ZEB1: variants seen among roughly 807,000 people sequenced by gnomAD.
The protein encoded by ZEB1 is zinc finger E-box-binding homeobox 1.
ZEB1 carries 21 observed loss-of-function variants against 84.9 expected under a neutral mutation model. The ratio of observed to expected loss-of-function variants is 0.25; its 90% CI spans 0.18 to 0.36. The LOEUF is 0.36. Among genes scored for constraint, ZEB1 ranks in the 10% least tolerant of loss-of-function variants. ZEB1 has a pLI of 1.00. For synonymous variants in ZEB1, 420 were observed against 471.1 expected (o/e 0.89, Z 1.41); for missense variants, 1,104 against 1,330.2 (o/e 0.83, Z 2.65).
At chr10:31,373,162 AG>A in intron 1 of ZEB1, 1 of 985,244 alleles carries the variant, frequency 1.0e-6, no homozygotes, top group Non-Finnish European at 1.2e-6. Context: ...GACTATCAAA[AG>A]GAAGTCAATG....
rs112353402 is a variant in ZEB1, at chr10:31,521,994, A to G, written c.2604+58A>G. On this transcript the variant is annotated intron_variant, in intron 7 of 8. Coordinates refer to ENST00000424869, the MANE Select transcript of ZEB1 (RefSeq NM_001174096.2). Reference sequence around the variant, plus strand: ...GTAATATGCTATTTGACTAATTTCAATTAACTTTGTCTAATAAATATCAGT... The same window carrying G: ...GTAATATGCTATTTGACTAATTTCAGTTAACTTTGTCTAATAAATATCAGT... 7.5e-5 allele frequency: 120 copies of G among 1,609,776 alleles called. 4 individuals are homozygous for G. The African/African-American group carries it at 9.5e-4, about 13-fold the overall frequency.
At chr10:31,452,730 TGTGTGTGTGTGTGAGAGAGA>T (rs1482360212) in intron 1 of ZEB1, among the ~76,000 whole-genome samples, 13 of 123,646 alleles carry the variant, frequency 1.1e-4, no homozygotes, top group African/African-American at 4.4e-4. Context: ...TGTGTGTGTG[TGTGTGTGTGTGTGAGAGAGA>T]GAGAGAGAGA....
chr10:31,348,421 G>A (rs888897049), intron 1 of ZEB1, among the ~76,000 whole-genome samples: 1 of 151,962 alleles, frequency 6.6e-6, no homozygotes, highest in Non-Finnish European at 1.5e-5. Context: ...AAAATTAGCC[G>A]GGTGTGGTGG....
At chr10:31,341,021 A>G (rs1255117867) in intron 1 of ZEB1, among the ~76,000 whole-genome samples, 2 of 152,150 alleles carry the variant, frequency 1.3e-5, no homozygotes, top group Non-Finnish European at 2.9e-5. Context: ...GTCTGGAGAG[A>G]TACGAAACCA....
intron 1 of ZEB1, among the ~76,000 whole-genome samples, chr10:31,393,887 A>G (rs114005086): frequency 0.011 from 1,612 of 152,214 alleles, 28 homozygotes; most frequent in African/African-American, 0.037. Flanking sequence ...TAGCAATCTC[A>G]TCATTTATAC....
intron 1 of ZEB1, among the ~76,000 whole-genome samples, chr10:31,330,664 T>G (rs2036544476): frequency 6.6e-6 from 1 of 152,226 alleles, no homozygotes; most frequent in African/African-American, 2.4e-5. Context: ...TACTGATTTT[T>G]GGCTACATAT....
At chr10:31,464,829 G>A (rs2062202959) in intron 2 of ZEB1, among the ~76,000 whole-genome samples, 2 of 152,154 alleles carry the variant, frequency 1.3e-5, no homozygotes, top group Non-Finnish European at 2.9e-5. Flanking sequence ...AACAAAAGCT[G>A]AGGGATTTTG....
intron 1 of ZEB1, among the ~76,000 whole-genome samples, chr10:31,388,233 G>A (rs1173715923): frequency 6.6e-6 from 1 of 152,126 alleles, no homozygotes; most frequent in Non-Finnish European, 1.5e-5. Flanking sequence ...GTAATTCCCA[G>A]TATTCTGTAG....
intron 1 of ZEB1, among the ~76,000 whole-genome samples, chr10:31,431,052 T>C (rs1247331886): frequency 6.6e-6 from 1 of 152,192 alleles, no homozygotes; most frequent in African/African-American, 2.4e-5. Flanking sequence ...TCTGGTTTTT[T>C]CACCCAGAAT....
intron 1 of ZEB1, among the ~76,000 whole-genome samples, chr10:31,376,640 C>A (rs1184726328): frequency 6.6e-6 from 1 of 151,642 alleles, no homozygotes; most frequent in Non-Finnish European, 1.5e-5. Context: ...CTGACACTTA[C>A]CAGCTTTGCA....
intron 1 of ZEB1, among the ~76,000 whole-genome samples, chr10:31,375,305 C>G (rs2046439229): frequency 6.6e-6 from 1 of 151,728 alleles, no homozygotes. Flanking sequence ...GAAAGATGTC[C>G]TTCCCATACC....
intron 1 of ZEB1, among the ~76,000 whole-genome samples, chr10:31,351,973 T>C (rs11008466): frequency 0.014 from 2,171 of 152,306 alleles, 53 homozygotes; most frequent in African/African-American, 0.05. Flanking sequence ...AAATTCAATG[T>C]AGTATGTTTT....
chr10:31,520,963 C>T lies in ZEB1; in HGVS notation c.1631C>T (p.Ala544Val). ...GATGATTGTCCAGGAGATATTAATG[C>T]ACTTCCAGAATTAAAGCACTATGAC... The part of the protein sequence containing the change: ...LCDDCPGDIN[A>V]LPELKHYDLK... The change falls in exon 7 of 9, where the codon GCA becomes GTA. Residue 544 changes from alanine to valine, a missense_variant. Physicochemically the swap from Ala to Val is moderately conservative, Grantham distance 64 (BLOSUM62 0). Transcript: ENST00000424869. The surrounding 1 kb of genome is among the most constrained non-coding windows in gnomAD (Gnocchi z 5.1). The T allele has an allele frequency of 6.2e-7, 1 of 1,614,128 alleles. No individual in the cohort carries two copies. The highest frequency in any genetic ancestry group is 1.3e-5 in the African/African-American group (1 of 75,034).
Position 31,502,396 on chromosome 10 carries a change from A to G in ZEB1, c.371A>G (p.Asp124Gly), listed in dbSNP as rs2068280169. The stretch of plus-strand genomic sequence containing the variant: ...GATGCAGAAAATGAGCAAAACCATG[A>G]TCCTAATGTTGAAGAGTTTCTACAA... ...ESDAENEQNH[D>G]PNVEEFLQQQ... Residue 124 changes from aspartate to glycine, a missense_variant, in exon 4 of 9, where the codon GAT (aspartate) becomes GGT (glycine). Asp to Gly is a moderately conservative substitution (Grantham distance 94). Transcript: ENST00000424869. 1 of 1,613,762 alleles carries G rather than the reference A, an allele frequency of 6.2e-7. No individual in the cohort carries two copies. The highest frequency in any genetic ancestry group is 1.3e-5 in the African/African-American group (1 of 74,890).
intron 7 of ZEB1, among the ~76,000 whole-genome samples, chr10:31,522,299 T>TA: frequency 6.6e-6 from 1 of 152,242 alleles, no homozygotes; most frequent in East Asian, 1.9e-4. Context: ...CTGCCTTGAT[T>TA]ATGGTCATTA....
chr10:31,391,918 C>T (rs897378622), intron 1 of ZEB1, among the ~76,000 whole-genome samples: 5 of 151,960 alleles, frequency 3.3e-5, no homozygotes, highest in Non-Finnish European at 7.4e-5. Flanking sequence ...AAAATTTGGT[C>T]GACAACCACT....
At chr10:31,348,021 T>C (rs1381445872) in intron 1 of ZEB1, among the ~76,000 whole-genome samples, 1 of 152,228 alleles carries the variant, frequency 6.6e-6, no homozygotes, top group Non-Finnish European at 1.5e-5. Flanking sequence ...GTTGTAGATA[T>C]CTGGGTTAGT....
intron 2 of ZEB1, among the ~76,000 whole-genome samples, chr10:31,478,607 A>G (rs2064602114): frequency 1.3e-5 from 2 of 151,938 alleles, no homozygotes; most frequent in South Asian, 4.1e-4. Context: ...ACCTAAGTGT[A>G]TATCAGTGGA....
At chr10:31,443,832 C>T (rs1409971168) in intron 1 of ZEB1, among the ~76,000 whole-genome samples, 4 of 151,202 alleles carry the variant, frequency 2.6e-5, no homozygotes, top group Non-Finnish European at 4.4e-5. Context: ...TTTGGGTTGG[C>T]TCCAAGTCTT....
Sources: allele counts gnomAD v4.1 joint callset (sites outside exome capture counted in the v4.1 genomes callset), GRCh38; gene constraint gnomAD v4.1.1; non-coding constraint Gnocchi (gnomAD v3.1); transcripts MANE v1.5; gene names NCBI Gene and HGNC (gene_info 2026-07-23, HGNC 2026-07-21).